CHKA: variants seen among roughly 807,000 people sequenced by gnomAD.
CHKA encodes the protein CHETK-alpha.
CHKA carries 34 observed loss-of-function variants against 60.1 expected under a neutral mutation model. The ratio of observed to expected loss-of-function variants is 0.57; its 90% CI spans 0.43 to 0.75. The LOEUF is 0.75. CHKA is among the 30% of genes least tolerant of loss of function. The probability of loss-of-function intolerance (pLI) is 0.00; values close to 1 mark genes in which losing one functional copy is unlikely to be tolerated. For synonymous variants in CHKA, 217 were observed against 223.1 expected (o/e 0.97, Z 0.24); for missense variants, 563 against 561.3 (o/e 1.00, Z -0.03).
intron 2 of CHKA, among the ~76,000 whole-genome samples, chr11:68,084,223 G>C (rs1205507674): frequency 6.8e-6 from 1 of 147,962 alleles, no homozygotes; most frequent in African/African-American, 2.5e-5. Flanking sequence ...CTCCAGCCTG[G>C]GTGACAAGAG....
At chr11:68,116,440 G>A (rs1469529570) in intron 1 of CHKA, among the ~76,000 whole-genome samples, 1 of 152,054 alleles carries the variant, frequency 6.6e-6, no homozygotes, top group Non-Finnish European at 1.5e-5. Flanking sequence ...GTAGCCAGGC[G>A]TGGTGGCTCA....
Position 68,121,322 on chromosome 11 carries a change from G to GGTGGCT in CHKA, c.-146_-145insAGCCAC. 1.8e-5 allele frequency: 8 copies of GGTGGCT among 434,806 alleles called. No individual in the cohort carries two copies. The highest frequency in any genetic ancestry group is 2.5e-5 in the Non-Finnish European group (8 of 326,134). The allele number at this position is 434,806 out of a possible 1,614,324, so 26.9% of individuals were successfully genotyped here. ...GCGGTTGGGCGCGCGGGGCGGCGGC[G>GGTGGCT]GCGGCTGCGGCGACTGCGGCGACTG... On this transcript the variant is annotated 5_prime_UTR_variant, in exon 1 of 12. Coordinates refer to ENST00000265689, the MANE Select transcript of CHKA (RefSeq NM_001277.3).
chr11:68,071,355 C>G (rs989215674), intron 4 of CHKA, among the ~76,000 whole-genome samples: 1 of 152,350 alleles, frequency 6.6e-6, no homozygotes, highest in Non-Finnish European at 1.5e-5. Context: ...TCTCCAGCTG[C>G]TCCCAGTGGT....
chr11:68,055,682 C>A (rs932687877), intron 11 of CHKA, among the ~76,000 whole-genome samples: 1 of 152,128 alleles, frequency 6.6e-6, no homozygotes, highest in African/African-American at 2.4e-5. Context: ...ACTAATTATA[C>A]AAAACACATG....
intron 1 of CHKA, among the ~76,000 whole-genome samples, chr11:68,098,271 CAAAAAAAA>C (rs57972693): frequency 2.6e-4 from 31 of 120,718 alleles, no homozygotes; most frequent in Non-Finnish European, 3.2e-4. Context: ...ACTCCTATCT[CAAAAAAAA>C]AAAAAAAAAA....
chr11:68,058,181 A>G (rs1003254609), intron 11 of CHKA, among the ~76,000 whole-genome samples: 24 of 152,112 alleles, frequency 1.6e-4, no homozygotes, highest in Admixed American at 9.8e-4. Flanking sequence ...TTGAGCCACC[A>G]CACCTGGATG....
chr11:68,107,478 G>A (rs1490607677), intron 1 of CHKA, among the ~76,000 whole-genome samples: 2 of 151,746 alleles, frequency 1.3e-5, no homozygotes, highest in African/African-American at 4.9e-5. Flanking sequence ...GTTAACAGTA[G>A]TGCCTTTTTC....
At chr11:68,115,319 T>C (rs1281273687) in intron 1 of CHKA, among the ~76,000 whole-genome samples, 2 of 152,206 alleles carry the variant, frequency 1.3e-5, no homozygotes, top group Non-Finnish European at 2.9e-5. Flanking sequence ...CAATGGTGGA[T>C]ACATGTCATT....
At chr11:68,099,678 C>T (rs1412057419) in intron 1 of CHKA, among the ~76,000 whole-genome samples, 2 of 152,180 alleles carry the variant, frequency 1.3e-5, no homozygotes, top group Non-Finnish European at 1.5e-5. Flanking sequence ...TCAGAATCCC[C>T]CTGCCGCGTC....
chr11:68,076,080 G>A (rs1389302663), intron 3 of CHKA, among the ~76,000 whole-genome samples: 2 of 152,156 alleles, frequency 1.3e-5, no homozygotes, highest in African/African-American at 2.4e-5. Context: ...AAAGCAAAAA[G>A]TATTTTGGTC....
chr11:68,064,411 A>C (rs1856368359), intron 10 of CHKA, 114 bp downstream of exon 10: 1 of 546,722 alleles, frequency 1.8e-6, no homozygotes, highest in Non-Finnish European at 3.1e-6. Context: ...CTGTCTCAAA[A>C]AAAAAAAAAG....
chr11:68,095,733 A>AC (rs1474009716), intron 2 of CHKA, among the ~76,000 whole-genome samples: 1,569 of 133,506 alleles, frequency 0.012, 77 homozygotes, highest in Non-Finnish European at 0.014. Context: ...AAAAAAAAAA[A>AC]ACAACAGGTA....
intron 1 of CHKA, among the ~76,000 whole-genome samples, chr11:68,110,430 G>T (rs1858089296): frequency 6.6e-6 from 1 of 152,142 alleles, no homozygotes; most frequent in South Asian, 2.1e-4. Flanking sequence ...ATACATAAAA[G>T]TCAACCAGTT....
At chr11:68,070,332 C>G (rs957736588) in intron 5 of CHKA, 39 bp from the exon 6 acceptor site, 1 of 1,374,924 alleles carries the variant, frequency 7.3e-7, no homozygotes, top group Non-Finnish European at 1.0e-6. Flanking sequence ...AACAAAGAAT[C>G]ACCGATCAAT....
intron 2 of CHKA, 25 bp downstream of exon 2, chr11:68,096,994 C>T (rs1019148520): frequency 6.5e-7 from 1 of 1,545,328 alleles, no homozygotes; most frequent in South Asian, 1.1e-5. Flanking sequence ...GGATCCCCCC[C>T]TCCCAAAGTA....
chr11:68,116,381 G>A (rs1858383295), intron 1 of CHKA, among the ~76,000 whole-genome samples: 1 of 152,106 alleles, frequency 6.6e-6, no homozygotes, highest in South Asian at 2.1e-4. Context: ...ACCAGCCTGG[G>A]CACCATGGTA....
chr11:68,107,193 A>C (rs573464734), intron 1 of CHKA, among the ~76,000 whole-genome samples: 2 of 152,168 alleles, frequency 1.3e-5, no homozygotes, highest in South Asian at 4.2e-4. Flanking sequence ...CAGTGATTTC[A>C]ATGAGTCAAG....
intron 1 of CHKA, among the ~76,000 whole-genome samples, chr11:68,118,928 G>T (rs549804205): frequency 6.6e-6 from 1 of 152,326 alleles, no homozygotes; most frequent in South Asian, 2.1e-4. Context: ...TTCACAGGCC[G>T]CAGGCTAGAG....
chr11:68,103,861 C>T (rs1206283157), intron 1 of CHKA, among the ~76,000 whole-genome samples: 1 of 149,744 alleles, frequency 6.7e-6, no homozygotes, highest in Non-Finnish European at 1.5e-5. Flanking sequence ...TGCAGTGAGC[C>T]GAGATCACAC....
Sources: allele counts gnomAD v4.1 joint callset (sites outside exome capture counted in the v4.1 genomes callset), GRCh38; gene constraint gnomAD v4.1.1; transcripts MANE v1.5; gene names NCBI Gene and HGNC (gene_info 2026-07-23, HGNC 2026-07-21).